The following PKHD1L1 variants were observed in gnomAD, a reference collection of about 807,000 sequenced individuals.
PKHD1L1 encodes PKHD1 like 1.
Under a neutral mutation model 462.9 loss-of-function variants are expected in PKHD1L1, and 434 were observed. The observed-to-expected ratio is 0.94, with a 90% CI of 0.87 to 1.02. The LOEUF is 1.02. PKHD1L1 is among the 50% of genes least tolerant of loss of function. The pLI, the probability that PKHD1L1 is intolerant of heterozygous loss-of-function variation, is 0.00. For missense variants in PKHD1L1, 5,202 were observed against 5,096.1 expected, an observed-to-expected ratio of 1.02 and a Z score of -0.63; for synonymous variants, 1,781 against 1,750.0, an observed-to-expected ratio of 1.02 and a Z score of -0.44.
At chr8:109,519,426 T>C (rs1032326673) in intron 73 of PKHD1L1, among the ~76,000 whole-genome samples, 11 of 152,106 alleles carry the variant, frequency 7.2e-5, no homozygotes, top group African/African-American at 2.7e-4. Flanking sequence ...TATCATCTTG[T>C]CTTCACAGCC....
In PKHD1L1 at chr8:109,452,137, G is replaced by A; in HGVS notation, c.6364G>A (p.Asp2122Asn). The change falls in exon 42 of 78, where the codon GAT (aspartate) becomes AAT (asparagine). Residue 2122 changes from aspartate (D) to asparagine (N), a missense_variant. By Grantham distance (23) the Asp-to-Asn change is conservative. Around this residue, in one of 3 missense-constraint regions of PKHD1L1, gnomAD observed 4,497 missense variants for 4,336.8 expected, o/e 1.04. Coordinates refer to ENST00000378402, the MANE Select transcript of PKHD1L1 (RefSeq NM_177531.6). The part of the protein sequence containing the change: ...VGSGFSENME[D>N]VHITIAEAKC... Reference sequence around the variant, plus strand: ...TCTTTTTTACAGTGAAAATATGGAGGATGTTCATATCACCATAGCTGAAGC... The same window carrying A: ...TCTTTTTTACAGTGAAAATATGGAGAATGTTCATATCACCATAGCTGAAGC... The A allele has an allele frequency of 6.2e-7, 1 of 1,608,702 alleles. No homozygotes were observed. Among genetic ancestry groups the A allele is most frequent in the Non-Finnish European group, 8.5e-7 (1 of 1,177,736 alleles).
chr8:109,378,389 G>A (rs1811944139), intron 2 of PKHD1L1, among the ~76,000 whole-genome samples: 2 of 152,012 alleles, frequency 1.3e-5, no homozygotes, highest in South Asian at 2.1e-4. Context: ...TTCATTTCTG[G>A]TCTCCTCTCC....
chr8:109,416,243 T>C (rs1247269872), intron 21 of PKHD1L1, among the ~76,000 whole-genome samples: 1 of 151,728 alleles, frequency 6.6e-6, no homozygotes, highest in South Asian at 2.1e-4. Flanking sequence ...TAATGATTGA[T>C]GTCTTGTCCC....
chr8:109,503,981 A>G (rs1384597202), intron 67 of PKHD1L1, among the ~76,000 whole-genome samples: 2 of 152,126 alleles, frequency 1.3e-5, no homozygotes, highest in African/African-American at 2.4e-5. Context: ...GCTTACTCAT[A>G]TGTTGGAAGT....
Position 109,523,286 on chromosome 8 carries a change from G to C in PKHD1L1, c.12384G>C (p.Lys4128Asn), listed in dbSNP as rs780695718. Residue 4128 changes from lysine (K) to asparagine (N), a missense_variant, in exon 76 of 78, where the codon AAG (lysine) becomes AAC (asparagine). By Grantham distance (94) the Lys-to-Asn change is moderately conservative. Around this residue, in one of 3 missense-constraint regions of PKHD1L1, gnomAD observed 698 missense variants for 736.3 expected, o/e 0.95. Transcript: ENST00000378402. ...CACTAACTTTGAGGGCCATACTCAA[G>C]GACTCCAATAATAACCAAGTCAATG... ...ITALTLRAIL[K>N]DSNNNQVNGL... is the part of the protein sequence containing the mutation. The C allele has an allele frequency of 6.2e-7, 1 of 1,611,934 alleles. No homozygotes were observed. The highest frequency in any genetic ancestry group is 8.5e-7 in the Non-Finnish European group (1 of 1,178,704).
At chr8:109,457,893 G>A (rs1325660962) in intron 46 of PKHD1L1, among the ~76,000 whole-genome samples, 3 of 151,864 alleles carry the variant, frequency 2.0e-5, no homozygotes, top group Non-Finnish European at 2.9e-5. Context: ...TTTGCATACC[G>A]CCTGTGAGAT....
At chr8:109,451,253 G>A (rs1173105516) in intron 41 of PKHD1L1, 104 bp downstream of exon 41, 12 of 1,223,684 alleles carry the variant, frequency 9.8e-6, no homozygotes, top group Non-Finnish European at 1.3e-5. Flanking sequence ...GTCATGCAAT[G>A]TGTACCTATA....
chr8:109,460,758 TATTTCCC>T (rs1051930057), intron 47 of PKHD1L1, among the ~76,000 whole-genome samples: 1 of 152,202 alleles, frequency 6.6e-6, no homozygotes, highest in African/African-American at 2.4e-5. Flanking sequence ...TATAAAAGTC[TATTTCCC>T]ATTCATGCTA....
At chr8:109,491,416 A>C (rs993898134) in intron 61 of PKHD1L1, among the ~76,000 whole-genome samples, 1 of 151,826 alleles carries the variant, frequency 6.6e-6, no homozygotes, top group Non-Finnish European at 1.5e-5. Context: ...AAATGGAAGA[A>C]TTTTTACCAC....
chr8:109,427,008 C>G lies in PKHD1L1; in HGVS notation c.2852C>G (p.Pro951Arg). 1 of 1,547,748 alleles carries G rather than the reference C, an allele frequency of 6.5e-7. No homozygotes were observed. The highest frequency in any genetic ancestry group is 8.9e-7 in the Non-Finnish European group (1 of 1,119,608). Residue 951 changes from proline (P) to arginine (R), a missense_variant, in exon 25 of 78, where the codon CCC (proline) becomes CGC (arginine). By Grantham distance (103) the Pro-to-Arg change is moderately radical. This residue lies in a region of PKHD1L1 where 4,497 missense variants were observed against 4,336.8 expected (regional missense o/e 1.04). Coordinates refer to ENST00000378402, the MANE Select transcript of PKHD1L1 (RefSeq NM_177531.6). ...QAYGHILKGL[P>R]AAVSAADLQF... ...CACCCCTCTGTGAGTGCAGGCCTCC[C>G]CGCTGCTGTGTCAGCTGCAGATCTG...
In PKHD1L1 at chr8:109,441,255, G is replaced by A; in HGVS notation, c.4100-20G>A. Reference sequence around the variant, plus strand: ...CAAAATGTTTGCTTTTTAAAAATATGCAGTATTTATTCTTTCTAGGGTCCA... The same window carrying A: ...CAAAATGTTTGCTTTTTAAAAATATACAGTATTTATTCTTTCTAGGGTCCA... On this transcript the variant is annotated intron_variant, in intron 33 of 77. Coordinates refer to ENST00000378402, the MANE Select transcript of PKHD1L1 (RefSeq NM_177531.6). 1.4e-6 allele frequency: 2 copies of A among 1,428,762 alleles called. No homozygotes were observed. Among genetic ancestry groups the A allele is most frequent in the Non-Finnish European group, 1.9e-6 (2 of 1,055,994 alleles). The allele number at this position is 1,428,762 out of a possible 1,614,324, so 88.5% of individuals were successfully genotyped here. A position where few individuals can be genotyped will look rare whatever the true frequency, so the allele number is the denominator to read the frequency against.
chr8:109,492,302 A>G (rs1465759579), intron 62 of PKHD1L1, among the ~76,000 whole-genome samples: 1 of 151,828 alleles, frequency 6.6e-6, no homozygotes, highest in Non-Finnish European at 1.5e-5. Context: ...AAAATAGACA[A>G]TGGAATCTCT....
At chr8:109,418,872 TAAAAG>T (rs1471383564) in intron 21 of PKHD1L1, among the ~76,000 whole-genome samples, 2 of 152,202 alleles carry the variant, frequency 1.3e-5, no homozygotes, top group African/African-American at 4.8e-5. Flanking sequence ...AGGCTACAAA[TAAAAG>T]AAAGCCTATA....
Position 109,436,318 on chromosome 8 carries a change from T to C in PKHD1L1, c.3506-20T>C. ...AGTTGAACTGTTTTGTTGTTGTTTTTGTTTGCTTTTCTTATGAAGGTGGTA... is the reference window on the plus strand; with the variant it reads ...AGTTGAACTGTTTTGTTGTTGTTTTCGTTTGCTTTTCTTATGAAGGTGGTA... On this transcript the variant is annotated intron_variant, in intron 29 of 77. Transcript: ENST00000378402. 1 of 1,597,594 alleles carries C rather than the reference T, an allele frequency of 6.3e-7. No homozygotes were observed. Among genetic ancestry groups the C allele is most frequent in the Non-Finnish European group, 8.5e-7 (1 of 1,176,040 alleles).
At position 109,504,443 on chromosome 8, in the gene PKHD1L1, G is replaced by A. The variant is rs1819589807; in HGVS notation, c.10945G>A (p.Val3649Ile). ...AATCCATGTGAAGAATATAAAACTG[G>A]TTGATACCACTGAACAATCAAAAAT... ...HPIHVKNIKL[V>I]DTTEQSKIFI... The change falls in exon 68 of 78, where the codon GTT becomes ATT. Residue 3649 changes from valine (V) to isoleucine (I), a missense_variant. This residue lies in a region of PKHD1L1 where 698 missense variants were observed against 736.3 expected (regional missense o/e 0.95). Transcript: ENST00000378402. 1 of 1,558,818 alleles carries A rather than the reference G, an allele frequency of 6.4e-7. No homozygotes were observed. The highest frequency in any genetic ancestry group is 2.3e-5 in the East Asian group (1 of 43,196).
At chr8:109,450,605 T>G (rs1268986003) in intron 40 of PKHD1L1, among the ~76,000 whole-genome samples, 2 of 152,204 alleles carry the variant, frequency 1.3e-5, no homozygotes, top group African/African-American at 2.4e-5. Flanking sequence ...TGACCTTGCC[T>G]TCAGCTGTCA....
rs774472649 is a variant in PKHD1L1, at chr8:109,508,224, A to T, written c.11355A>T (p.Pro3785=). The T allele has an allele frequency of 6.8e-6, 11 of 1,612,810 alleles. No individual in the cohort carries two copies. In the East Asian group the frequency reaches 2.2e-4, roughly 33 times the overall value. ...ACACAGAAACTCGAAGACTTTCCCC[A>T]GTGGCTATAATGGGCAACGGTTATG... ...DPDTETRRLS[P]VAIMGNGYVD... is the part of the protein sequence containing the mutation. Residue 3785 remains proline, a synonymous_variant, in exon 70 of 78, where the codon CCA becomes CCT. Coordinates refer to ENST00000378402, the MANE Select transcript of PKHD1L1 (RefSeq NM_177531.6).
chr8:109,495,015 T>G (rs1199792711), intron 63 of PKHD1L1, among the ~76,000 whole-genome samples: 1 of 151,924 alleles, frequency 6.6e-6, no homozygotes, highest in Admixed American at 6.6e-5. Flanking sequence ...TTTGGCATGA[T>G]TTATATAGCA....
chr8:109,415,003 TA>T (rs1563751546), intron 21 of PKHD1L1, among the ~76,000 whole-genome samples: 1 of 131,808 alleles, frequency 7.6e-6, no homozygotes, highest in Non-Finnish European at 1.7e-5. Context: ...TTATTATTAT[TA>T]TTATTATTTT....
Sources: gnomAD v4.1 joint callset for allele counts (sites outside exome capture counted in the v4.1 genomes callset) on GRCh38, gnomAD v4.1.1 for gene constraint, gnomAD v4.1.1 regional missense constraint, MANE v1.5 for transcripts, NCBI Gene and HGNC (gene_info 2026-07-23, HGNC 2026-07-21) for gene names.